CADM2: variants seen among roughly 807,000 people sequenced by gnomAD.
CADM2 encodes cell adhesion molecule 2, also known as immunoglobulin superfamily member 4D.
CADM2 carries 12 observed loss-of-function variants against 49.8 expected under a neutral mutation model. That is an observed-to-expected ratio of 0.24 (90% CI 0.15 to 0.39). CADM2 has a LOEUF of 0.39. CADM2 is among the 10% of genes least tolerant of loss of function. The pLI, the probability that CADM2 is intolerant of heterozygous loss-of-function variation, is 1.00. For missense variants in CADM2, 378 were observed against 492.3 expected, an observed-to-expected ratio of 0.77 and a Z score of 2.20; for synonymous variants, 214 against 175.4, an observed-to-expected ratio of 1.22 and a Z score of -1.74.
intron 1 of CADM2, among the ~76,000 whole-genome samples, chr3:85,378,919 C>A (rs1380635849): frequency 2.0e-5 from 3 of 151,796 alleles, no homozygotes; most frequent in East Asian, 1.9e-4. Flanking sequence ...GTGACAAAAA[C>A]CCAAATAAAC....
At chr3:85,668,044 T>A (rs1348952820) in intron 1 of CADM2, among the ~76,000 whole-genome samples, 1 of 151,988 alleles carries the variant, frequency 6.6e-6, no homozygotes, top group Non-Finnish European at 1.5e-5. Flanking sequence ...AACGTTGGCT[T>A]ATAGGAATTG....
chr3:85,276,095 A>AAAT (rs2043350646), intron 1 of CADM2, among the ~76,000 whole-genome samples: 1 of 151,348 alleles, frequency 6.6e-6, no homozygotes. Flanking sequence ...CAGTGCTAAT[A>AAAT]TTTTATAATA....
chr3:85,991,879 T>C (rs1385617307), intron 8 of CADM2, among the ~76,000 whole-genome samples: 2 of 152,118 alleles, frequency 1.3e-5, no homozygotes, highest in Non-Finnish European at 2.9e-5. Flanking sequence ...CTTTGATATA[T>C]TGACCTATGA....
At chr3:85,840,010 T>G (rs2074573052) in intron 3 of CADM2, among the ~76,000 whole-genome samples, 1 of 151,862 alleles carries the variant, frequency 6.6e-6, no homozygotes. Flanking sequence ...ATACTTTAAG[T>G]TTCTCTTTAT....
chr3:85,747,969 A>C (rs1472501085), intron 2 of CADM2, among the ~76,000 whole-genome samples: 2 of 152,098 alleles, frequency 1.3e-5, no homozygotes, highest in African/African-American at 2.4e-5. Flanking sequence ...TTTTGATATA[A>C]AGGAGTTTCC....
At chr3:85,172,952 TAAAC>T (rs997533626) in intron 1 of CADM2, among the ~76,000 whole-genome samples, 4 of 146,748 alleles carry the variant, frequency 2.7e-5, no homozygotes, top group African/African-American at 5.0e-5. Context: ...ATATAATACA[TAAAC>T]ATATATATAT....
intron 1 of CADM2, among the ~76,000 whole-genome samples, chr3:85,051,796 A>G (rs1170008319): frequency 6.6e-6 from 1 of 152,160 alleles, no homozygotes; most frequent in East Asian, 1.9e-4. Context: ...ATTTGATATC[A>G]TTATTTAAAA....
At chr3:85,205,509 C>T (rs938903535) in intron 1 of CADM2, among the ~76,000 whole-genome samples, 6 of 151,542 alleles carry the variant, frequency 4.0e-5, no homozygotes, top group African/African-American at 9.7e-5. Context: ...ATTTTTACAT[C>T]GAGATAGATA....
Position 85,798,588 on chromosome 3 carries a change from G to T in CADM2, c.89-3459G>T, listed in dbSNP as rs533774708. 4.5e-4 allele frequency among the ~76,000 whole-genome samples: 68 copies of T among 152,210 alleles called. No individual in the cohort carries two copies. The South Asian group carries it at 5.6e-3, about 13-fold the overall frequency. On this transcript the variant is annotated intron_variant, in intron 2 of 9. Coordinates refer to ENST00000383699, the MANE Select transcript of CADM2 (RefSeq NM_001167675.2). ...AAGATCAGATGGTTGTAGATGTGTG[G>T]CATTATTTCTGAGGACTCTGTTCTT...
chr3:85,789,305 C>T (rs1266974601), intron 2 of CADM2, among the ~76,000 whole-genome samples: 3 of 152,114 alleles, frequency 2.0e-5, no homozygotes, highest in African/African-American at 7.2e-5. Context: ...GGAAGGCTGC[C>T]TCTCAAATGT....
intron 1 of CADM2, among the ~76,000 whole-genome samples, chr3:85,409,553 A>G (rs2035562262): frequency 6.6e-6 from 1 of 152,144 alleles, no homozygotes. Flanking sequence ...ATTGCCACAG[A>G]TAATGAATCA....
intron 3 of CADM2, among the ~76,000 whole-genome samples, chr3:85,818,321 A>C: frequency 6.6e-6 from 1 of 152,070 alleles, no homozygotes; most frequent in East Asian, 1.9e-4. Context: ...TCTTTTGGTG[A>C]GAAATGTATG....
intron 3 of CADM2, among the ~76,000 whole-genome samples, chr3:85,817,140 G>A (rs1023988554): frequency 6.6e-6 from 1 of 152,274 alleles, no homozygotes; most frequent in South Asian, 2.1e-4. Context: ...AATGTAGGAG[G>A]TAGCGTTATT....
intron 1 of CADM2, among the ~76,000 whole-genome samples, chr3:85,351,707 G>T (rs1559794815): frequency 6.6e-6 from 1 of 152,092 alleles, no homozygotes; most frequent in Admixed American, 6.6e-5. Context: ...GGGAAAAATT[G>T]CTTGTAATGC....
intron 6 of CADM2, among the ~76,000 whole-genome samples, chr3:85,933,935 C>G (rs1429368542): frequency 6.6e-6 from 1 of 152,134 alleles, no homozygotes. Flanking sequence ...GGAATGCCAT[C>G]TGCTCTACTC....
At chr3:85,841,116 T>C (rs927902061) in intron 3 of CADM2, among the ~76,000 whole-genome samples, 1 of 151,748 alleles carries the variant, frequency 6.6e-6, no homozygotes, top group Non-Finnish European at 1.5e-5. Flanking sequence ...AATTAGAGAA[T>C]TGATTATATT....
At chr3:84,979,450 AT>A (rs2107128793) in intron 1 of CADM2, among the ~76,000 whole-genome samples, 1 of 152,196 alleles carries the variant, frequency 6.6e-6, no homozygotes, top group East Asian at 1.9e-4. Context: ...ACTTCATTGC[AT>A]TTCTGACTTT....
chr3:85,263,717 C>T (rs1035999027), intron 1 of CADM2, among the ~76,000 whole-genome samples: 2 of 151,936 alleles, frequency 1.3e-5, no homozygotes, highest in African/African-American at 2.4e-5. Flanking sequence ...CAATATCAAC[C>T]TCTTCTAATT....
chr3:85,623,078 G>A (rs150476151), intron 1 of CADM2, among the ~76,000 whole-genome samples: 109 of 152,142 alleles, frequency 7.2e-4, no homozygotes, highest in African/African-American at 2.4e-3. Context: ...GGCCAGTAAG[G>A]TATACTCCAA....
Sources: allele counts gnomAD v4.1 joint callset (sites outside exome capture counted in the v4.1 genomes callset), GRCh38; gene constraint gnomAD v4.1.1; transcripts MANE v1.5; gene names NCBI Gene and HGNC (gene_info 2026-07-23, HGNC 2026-07-21).